The following LINGO2 variants were observed in gnomAD, a reference collection of about 807,000 sequenced individuals.
LINGO2 encodes leucine rich repeat and Ig domain containing 2, also known as leucine-rich repeat and immunoglobulin-like domain-containing nogo receptor-interacting protein 2.
In LINGO2, 14 loss-of-function variants were observed where a neutral mutation model predicts 30.6. That is an observed-to-expected ratio of 0.46 (90% CI 0.30 to 0.72). The LOEUF (loss-of-function observed/expected upper bound fraction) is 0.72. Among genes scored for constraint, LINGO2 ranks in the 30% least tolerant of loss-of-function variants. The probability of loss-of-function intolerance (pLI) is 0.07; values close to 1 mark genes in which losing one functional copy is unlikely to be tolerated. For synonymous variants in LINGO2, 317 were observed against 288.5 expected (o/e 1.10, Z -1.00); for missense variants, 729 against 751.7 (o/e 0.97, Z 0.35).
the LINGO2 span, among the ~76,000 whole-genome samples, chr9:28,927,877 A>G: frequency 1.8e-4 from 28 of 152,246 alleles, no homozygotes; most frequent in South Asian, 6.2e-4. Context: ...CTAAGGCCAC[A>G]TAGCTCATAA....
chr9:28,467,229 G>A (rs1825350503), intron 2 of LINGO2, among the ~76,000 whole-genome samples: 1 of 152,054 alleles, frequency 6.6e-6, no homozygotes, highest in African/African-American at 2.4e-5. Context: ...GTTTCACCGT[G>A]TTAGCCAGGA....
At chr9:28,090,119 A>G (rs928579972) in intron 4 of LINGO2, among the ~76,000 whole-genome samples, 1 of 152,302 alleles carries the variant, frequency 6.6e-6, no homozygotes, top group East Asian at 1.9e-4. Flanking sequence ...TTCACAGCCA[A>G]ATTCTACCAG....
At chr9:27,956,226 G>A (rs1445009189) in intron 5 of LINGO2, among the ~76,000 whole-genome samples, 2 of 152,214 alleles carry the variant, frequency 1.3e-5, no homozygotes, top group Non-Finnish European at 1.5e-5. Context: ...ACAGGCGTGA[G>A]TCACTGCGCC....
At chr9:28,664,475 A>G (rs2136020992) in intron 1 of LINGO2, among the ~76,000 whole-genome samples, 1 of 152,256 alleles carries the variant, frequency 6.6e-6, no homozygotes, top group Non-Finnish European at 1.5e-5. Context: ...TCAAGGGAAA[A>G]ATAGTCAGAG....
chr9:29,203,250 G>A, the LINGO2 span, among the ~76,000 whole-genome samples: 1 of 151,896 alleles, frequency 6.6e-6, no homozygotes, highest in Non-Finnish European at 1.5e-5. Context: ...GAGGTTTTAA[G>A]GAAAAAAATA....
intron 2 of LINGO2, among the ~76,000 whole-genome samples, chr9:28,416,695 C>A (rs943955033): frequency 3.9e-5 from 6 of 152,116 alleles, no homozygotes; most frequent in Non-Finnish European, 7.4e-5. Context: ...CTGTGAGTAT[C>A]TTAGAAAAGG....
chr9:28,468,573 C>A (rs1825401430), intron 2 of LINGO2, among the ~76,000 whole-genome samples: 1 of 152,130 alleles, frequency 6.6e-6, no homozygotes, highest in African/African-American at 2.4e-5. Context: ...TGAAACATAA[C>A]AGGGTCTGTG....
chr9:29,055,936 G>GTATATGTATATATATATACACATATA, the LINGO2 span, among the ~76,000 whole-genome samples: 1 of 121,862 alleles, frequency 8.2e-6, no homozygotes, highest in African/African-American at 3.2e-5. Context: ...GTGTATGTGT[G>GTATATGTATATATATATACACATATA]TGTGTATATA....
At chr9:28,092,779 C>T (rs1414011562) in intron 4 of LINGO2, among the ~76,000 whole-genome samples, 1 of 151,914 alleles carries the variant, frequency 6.6e-6, no homozygotes, top group African/African-American at 2.4e-5. Flanking sequence ...AACCAAGCAG[C>T]GTCTTTCCTT....
chr9:28,495,094 T>A (rs1275908615), intron 1 of LINGO2, among the ~76,000 whole-genome samples: 1 of 152,226 alleles, frequency 6.6e-6, no homozygotes, highest in African/African-American at 2.4e-5. Context: ...TTTGTTTGAG[T>A]CCTTTGTAGA....
At chr9:28,774,550 C>T in the LINGO2 span, among the ~76,000 whole-genome samples, 70,916 of 151,840 alleles carry the variant, frequency 0.47, 19,418 homozygotes, top group African/African-American at 0.78. Context: ...TGTGATGTCA[C>T]TGATGTGCAT....
chr9:28,093,258 C>G (rs1318919483), intron 4 of LINGO2, among the ~76,000 whole-genome samples: 1 of 152,028 alleles, frequency 6.6e-6, no homozygotes, highest in Non-Finnish European at 1.5e-5. Flanking sequence ...GACTCATTTC[C>G]TTGTCACAGA....
chr9:28,314,176 T>C (rs1489815762), intron 3 of LINGO2, among the ~76,000 whole-genome samples: 2 of 152,136 alleles, frequency 1.3e-5, no homozygotes, highest in African/African-American at 4.8e-5. Flanking sequence ...CCTCGTGATC[T>C]GTCCGCCTCG....
intron 4 of LINGO2, among the ~76,000 whole-genome samples, chr9:28,171,782 G>A (rs1214562658): frequency 1.3e-5 from 2 of 151,376 alleles, no homozygotes; most frequent in East Asian, 2.0e-4. Flanking sequence ...GCCGAGGCAG[G>A]CGGATCACGA....
chr9:28,254,553 A>C (rs1822316587), intron 4 of LINGO2, among the ~76,000 whole-genome samples: 1 of 152,260 alleles, frequency 6.6e-6, no homozygotes, highest in East Asian at 1.9e-4. Context: ...AAAATCTTAT[A>C]GTTCTTAGCA....
the LINGO2 span, among the ~76,000 whole-genome samples, chr9:28,791,884 ATGAG>A: frequency 6.6e-6 from 1 of 151,714 alleles, no homozygotes; most frequent in Non-Finnish European, 1.5e-5. Context: ...AATTATCTGA[ATGAG>A]TGACACTGGA....
chr9:28,063,383 T>G (rs958238563), intron 4 of LINGO2, among the ~76,000 whole-genome samples: 3 of 152,066 alleles, frequency 2.0e-5, no homozygotes, highest in African/African-American at 7.2e-5. Flanking sequence ...GGCACTATGC[T>G]TAAGTTTTAC....
At chr9:29,093,384 C>T in the LINGO2 span, among the ~76,000 whole-genome samples, 1 of 132,630 alleles carries the variant, frequency 7.5e-6, no homozygotes, top group Non-Finnish European at 1.6e-5. Flanking sequence ...TTTGTTTTAT[C>T]AGTATTATTA....
chr9:28,689,405 CAG>C, the LINGO2 span, among the ~76,000 whole-genome samples: 1 of 151,966 alleles, frequency 6.6e-6, no homozygotes, highest in Admixed American at 6.6e-5. Flanking sequence ...AGGACATGAA[CAG>C]ACAGTTCTCA....
Sources: gnomAD v4.1 joint callset for allele counts (sites outside exome capture counted in the v4.1 genomes callset) on GRCh38, gnomAD v4.1.1 for gene constraint, MANE v1.5 for transcripts, NCBI Gene and HGNC (gene_info 2026-07-23, HGNC 2026-07-21) for gene names.